The following CCNH variants were observed in gnomAD, a reference collection of about 807,000 sequenced individuals.
The protein encoded by CCNH is cyclin-H.
In CCNH, 31 loss-of-function variants were observed where a neutral mutation model predicts 41.9. That is an observed-to-expected ratio of 0.74 (90% confidence interval 0.56 to 1.00). CCNH has a LOEUF of 1.00. CCNH is among the 50% of genes least tolerant of loss of function. The probability of loss-of-function intolerance (pLI) is 0.00; values close to 1 mark genes in which losing one functional copy is unlikely to be tolerated. For missense variants in CCNH, 362 were observed against 388.4 expected (o/e 0.93, Z 0.57); for synonymous variants, 138 against 136.1 (o/e 1.01, Z -0.10).
upstream of CCNH, chr5:87,380,420 G>T (rs1054597947): frequency 7.8e-6 from 9 of 1,148,396 alleles, no homozygotes; most frequent in Admixed American, 1.4e-4. Context: ...TTGAACTGTG[G>T]TATATTTGGG....
chr5:87,379,591 C>A, upstream of CCNH: 1 of 1,150,836 alleles, frequency 8.7e-7, no homozygotes. Flanking sequence ...CTTAAAAACT[C>A]CCATTATACA....
intron 9 of CCNH, among the ~76,000 whole-genome samples, chr5:87,338,507 A>ATG (rs1758150956): frequency 1.1e-5 from 1 of 88,484 alleles, no homozygotes; most frequent in Admixed American, 1.1e-4. Context: ...AATTTTATAT[A>ATG]TATATATATA....
chr5:87,380,114 T>C (rs950124070), upstream of CCNH, among the ~76,000 whole-genome samples: 1 of 152,104 alleles, frequency 6.6e-6, no homozygotes, highest in African/African-American at 2.4e-5. Context: ...AGATTTGAGA[T>C]TGTAAAAGAT....
intron 9 of CCNH, chr5:87,353,126 A>G: frequency 6.5e-7 from 1 of 1,544,322 alleles, no homozygotes; most frequent in African/African-American, 1.4e-5. Context: ...TTTATGAGAC[A>G]GATTAATACT....
chr5:87,369,776 A>G, intron 9 of CCNH: 1 of 1,477,534 alleles, frequency 6.8e-7, no homozygotes, highest in South Asian at 1.2e-5. Flanking sequence ...GCTACTTTTT[A>G]TTAAGCTTCC....
intron 9 of CCNH, among the ~76,000 whole-genome samples, chr5:87,385,827 A>C (rs1012316684): frequency 6.6e-6 from 1 of 152,034 alleles, no homozygotes; most frequent in African/African-American, 2.4e-5. Context: ...TTTGTCACCT[A>C]ATACGTGACA....
intron 9 of CCNH, among the ~76,000 whole-genome samples, chr5:87,348,832 CT>C (rs914311828): frequency 2.0e-4 from 31 of 151,908 alleles, no homozygotes; most frequent in African/African-American, 7.5e-4. Context: ...CTGGTCTTCA[CT>C]TTTTAGAATC....
At chr5:87,376,809 T>C in exon 1 of CCNH, 1 of 1,443,284 alleles carries the variant, frequency 6.9e-7, no homozygotes, top group Non-Finnish European at 9.7e-7. Context: ...AAAGAACATA[T>C]TTCTTGTTAG....
intron 7 of CCNH, among the ~76,000 whole-genome samples, chr5:87,396,177 A>G (rs532097554): frequency 1.3e-5 from 2 of 152,338 alleles, no homozygotes; most frequent in South Asian, 4.1e-4. Flanking sequence ...GATGATTTAA[A>G]GTATATGGGA....
chr5:87,384,487 A>C (rs553152499), intron 9 of CCNH, among the ~76,000 whole-genome samples: 1 of 152,220 alleles, frequency 6.6e-6, no homozygotes, highest in East Asian at 1.9e-4. Context: ...GGAATGTCTT[A>C]ATTTTTACTT....
At chr5:87,323,094 C>G (rs1052955607) in intron 9 of CCNH, among the ~76,000 whole-genome samples, 15 of 152,224 alleles carry the variant, frequency 9.9e-5, no homozygotes, top group African/African-American at 3.1e-4. Context: ...ATAATTTGAG[C>G]TGATGGATAA....
At chr5:87,331,119 T>C (rs1432999211) in intron 9 of CCNH, 24 of 852,020 alleles carry the variant, frequency 2.8e-5, no homozygotes, top group Non-Finnish European at 4.1e-5. Context: ...GATTTATATA[T>C]GAGATGACTA....
At chr5:87,392,966 A>T (rs1252633522), downstream of CCNH, 1 of 152,092 alleles carries the variant, frequency 6.6e-6, no homozygotes, top group Non-Finnish European at 1.5e-5. Flanking sequence ...CCTAGCAGCA[A>T]TATATTTAAC....
At chr5:87,343,125 T>C (rs1465009386) in intron 9 of CCNH, among the ~76,000 whole-genome samples, 1 of 152,170 alleles carries the variant, frequency 6.6e-6, no homozygotes, top group Admixed American at 6.5e-5. Context: ...TTCTTTAAAG[T>C]GTCCTCAGTA....
chr5:87,394,535 T>C (rs373797371), intron 8 of CCNH, 51 bp from the exon 9 acceptor site: 2 of 1,607,872 alleles, frequency 1.2e-6, no homozygotes, highest in South Asian at 1.1e-5. Flanking sequence ...ATAACCAGTA[T>C]TGTTTACCTC....
downstream of CCNH, among the ~76,000 whole-genome samples, chr5:87,316,658 T>C (rs986896004): frequency 1.3e-5 from 2 of 152,166 alleles, no homozygotes; most frequent in African/African-American, 4.8e-5. Flanking sequence ...CCTGTATCTG[T>C]TTTTAATACC....
At position 87,353,230 on chromosome 5, in the gene CCNH, A is replaced by G. The variant is rs952699191; in HGVS notation, c.*91-34333T>C. 3.7e-6 allele frequency: 6 copies of G among 1,602,332 alleles called. No homozygotes were observed. The highest frequency in any genetic ancestry group is 4.3e-6 in the Non-Finnish European group (5 of 1,169,980). On this transcript the variant is annotated intron_variant and NMD_transcript_variant, in intron 9 of 9. Transcript: ENST00000645953. ...ATATTATCTTAAGGAACCTGTACCA[A>G]TGCAGGTCAGTGTTGCATTTCTTAT... is the stretch of plus-strand genomic sequence containing the variant.
chr5:87,325,331 T>C (rs917406967), intron 9 of CCNH, among the ~76,000 whole-genome samples: 7 of 152,132 alleles, frequency 4.6e-5, no homozygotes, highest in Non-Finnish European at 7.4e-5. Flanking sequence ...CAAGATGAGA[T>C]TTGGGTGGAG....
intron 9 of CCNH, among the ~76,000 whole-genome samples, chr5:87,364,746 A>G (rs1760378311): frequency 6.6e-6 from 1 of 152,132 alleles, no homozygotes; most frequent in Non-Finnish European, 1.5e-5. Flanking sequence ...CAAGGTAGCA[A>G]ACAGCACCAG....
Sources: allele counts gnomAD v4.1 joint callset (sites outside exome capture counted in the v4.1 genomes callset), GRCh38; gene constraint gnomAD v4.1.1; transcripts MANE v1.5; gene names NCBI Gene and HGNC (gene_info 2026-07-23, HGNC 2026-07-21).